TOGARAM1: variants seen among roughly 807,000 people sequenced by gnomAD.
The protein encoded by TOGARAM1 is TOG array regulator of axonemal microtubules protein 1.
TOGARAM1 carries 100 observed loss-of-function variants against 166.6 expected under a neutral mutation model. That is an observed-to-expected ratio of 0.60 (90% CI 0.51 to 0.71). The LOEUF (loss-of-function observed/expected upper bound fraction) is 0.71. Among genes scored for constraint, TOGARAM1 ranks in the 30% least tolerant of loss-of-function variants. The pLI is 0.00. For missense variants in TOGARAM1, 2,029 were observed against 2,102.7 expected, an observed-to-expected ratio of 0.96 and a Z score of 0.69; for synonymous variants, 758 against 763.8, an observed-to-expected ratio of 0.99 and a Z score of 0.13.
intron 14 of TOGARAM1, among the ~76,000 whole-genome samples, chr14:45,050,308 A>G (rs1401560287): frequency 3.3e-5 from 5 of 152,142 alleles, no homozygotes; most frequent in Admixed American, 6.5e-5. Flanking sequence ...GCTGGAGTAC[A>G]GTGGTATAAT....
At chr14:45,023,860 C>G (rs983439017) in intron 7 of TOGARAM1, among the ~76,000 whole-genome samples, 10 of 152,106 alleles carry the variant, frequency 6.6e-5, no homozygotes, top group Non-Finnish European at 1.3e-4. Context: ...CCTGCCTCAG[C>G]CTCATGAGTA....
chr14:45,062,842 T>C (rs1882959279), intron 16 of TOGARAM1, among the ~76,000 whole-genome samples: 1 of 152,232 alleles, frequency 6.6e-6, no homozygotes, highest in African/African-American at 2.4e-5. Context: ...TATCGGGATG[T>C]AACTCCATTG....
Position 45,032,502 on chromosome 14 carries a change from C to G in TOGARAM1, c.3812+126C>G, listed in dbSNP as rs560381041. The G allele has an allele frequency of 1.6e-5, 16 of 974,802 alleles. No individual in the cohort carries two copies. In the African/African-American group the frequency reaches 2.7e-4, roughly 16 times the overall value. The allele number at this position is 974,802 out of a possible 1,614,324, so 60.4% of individuals were successfully genotyped here. ...TAGAAATGATTATTTAGTTCTTAGG[C>G]ATCAGAGTCTTTTCAGCTCATTAAT... On this transcript the variant is annotated intron_variant, in intron 11 of 19. Transcript: ENST00000361462.
chr14:45,028,167 T>C lies in TOGARAM1; in HGVS notation c.3505-9T>C. ...TGAATATTTTCAGACTTTCAACTTT[T>C]TCATGCAGGCTAAAGTTTCTATTTC... On this transcript the variant is annotated splice_polypyrimidine_tract_variant and intron_variant, in intron 9 of 19. Coordinates refer to ENST00000361462, the MANE Select transcript of TOGARAM1 (RefSeq NM_001308120.2). 6.4e-7 allele frequency: 1 copy of C among 1,559,360 alleles called. No homozygotes were observed. The highest frequency in any genetic ancestry group is 8.6e-7 in the Non-Finnish European group (1 of 1,160,880).
intron 6 of TOGARAM1, among the ~76,000 whole-genome samples, chr14:45,011,394 C>T (rs765879137): frequency 9.2e-5 from 14 of 152,178 alleles, no homozygotes; most frequent in Admixed American, 1.3e-4. Context: ...CTCACTGCAA[C>T]CCCTGCCTCC....
chr14:44,978,235 CCT>C (rs1333029131), intron 1 of TOGARAM1: 1 of 152,118 alleles, frequency 6.6e-6, no homozygotes, highest in African/African-American at 2.4e-5. Context: ...TTAGTTTTCT[CCT>C]CTCCTCCCAA....
chr14:44,997,068 A>G (rs1351130318), intron 2 of TOGARAM1: 1 of 152,256 alleles, frequency 6.6e-6, no homozygotes, highest in Non-Finnish European at 1.5e-5. Flanking sequence ...AATCGTGGCT[A>G]GAGTTGATGG....
chr14:45,005,863 G>C, intron 4 of TOGARAM1, 145 bp from the exon 5 acceptor site: 1 of 550,226 alleles, frequency 1.8e-6, no homozygotes, highest in Non-Finnish European at 3.0e-6. Flanking sequence ...CGAAAGCCGA[G>C]GCTTTATTCA....
At chr14:45,012,127 A>G in intron 7 of TOGARAM1, 52 bp downstream of exon 7, 1 of 1,199,722 alleles carries the variant, frequency 8.3e-7, no homozygotes, top group Non-Finnish European at 1.2e-6. Flanking sequence ...TTTTCAAATG[A>G]TGTAAAAAAT....
intron 11 of TOGARAM1, among the ~76,000 whole-genome samples, chr14:45,039,872 C>T (rs1000143594): frequency 3.3e-5 from 5 of 152,108 alleles, no homozygotes; most frequent in Non-Finnish European, 7.4e-5. Flanking sequence ...TCCTGGCTCC[C>T]GCTGGCTCCA....
intron 2 of TOGARAM1, among the ~76,000 whole-genome samples, chr14:44,997,977 T>C (rs763151266): frequency 6.6e-6 from 1 of 152,218 alleles, no homozygotes; most frequent in Non-Finnish European, 1.5e-5. Flanking sequence ...GACTATGTTA[T>C]AGATTTAAAA....
intron 3 of TOGARAM1, among the ~76,000 whole-genome samples, chr14:44,999,977 C>CTTATT (rs1221257889): frequency 1.3e-5 from 2 of 151,974 alleles, no homozygotes; most frequent in African/African-American, 4.8e-5. Context: ...CTTACTCCTT[C>CTTATT]TTATTTTATT....
At chr14:45,047,187 C>T (rs570546706) in intron 14 of TOGARAM1, among the ~76,000 whole-genome samples, 6 of 151,656 alleles carry the variant, frequency 4.0e-5, no homozygotes, top group South Asian at 2.1e-4. Flanking sequence ...ATCAGGAGTT[C>T]GAGACAAGCC....
chr14:44,969,744 C>G (rs577946799), intron 1 of TOGARAM1, among the ~76,000 whole-genome samples: 2 of 152,204 alleles, frequency 1.3e-5, no homozygotes, highest in East Asian at 3.9e-4. Flanking sequence ...AGGTCTGTTT[C>G]TAGATTCATT....
At chr14:45,006,355 A>T (rs1879428868) in intron 5 of TOGARAM1, 88 bp downstream of exon 5, 1 of 873,798 alleles carries the variant, frequency 1.1e-6, no homozygotes, top group Non-Finnish European at 1.7e-6. Flanking sequence ...AGTTCTTTTT[A>T]TCCTATAATA....
intron 7 of TOGARAM1, among the ~76,000 whole-genome samples, chr14:45,016,177 C>G (rs538986121): frequency 9.2e-5 from 14 of 152,074 alleles, no homozygotes; most frequent in Non-Finnish European, 2.1e-4. Context: ...AGGCAGATCA[C>G]TTGAGCTCAG....
chr14:45,030,550 T>G (rs561349381), intron 10 of TOGARAM1, among the ~76,000 whole-genome samples: 3 of 152,156 alleles, frequency 2.0e-5, no homozygotes, highest in Non-Finnish European at 2.9e-5. Context: ...CTGGAGGATT[T>G]TATTTATACA....
At chr14:45,029,892 G>T (rs1167136864) in intron 10 of TOGARAM1, among the ~76,000 whole-genome samples, 2 of 152,136 alleles carry the variant, frequency 1.3e-5, no homozygotes, top group Non-Finnish European at 2.9e-5. Context: ...CACGATCTCG[G>T]CTCACTGCAA....
At chr14:44,977,726 A>T (rs921768482) in intron 1 of TOGARAM1, among the ~76,000 whole-genome samples, 4 of 151,526 alleles carry the variant, frequency 2.6e-5, no homozygotes, top group Admixed American at 2.0e-4. Flanking sequence ...GCTCACTGCA[A>T]CTTCCACCTC....
Sources: allele counts gnomAD v4.1 joint callset (sites outside exome capture counted in the v4.1 genomes callset), GRCh38; gene constraint gnomAD v4.1.1; transcripts MANE v1.5; gene names NCBI Gene and HGNC (gene_info 2026-07-23, HGNC 2026-07-21).